The following RANBP3 variants were observed in gnomAD, a reference collection of about 807,000 sequenced individuals.
RANBP3 encodes the protein RAN binding protein 3, also known as ran-binding protein 3.
A neutral mutation model predicts 77.3 loss-of-function variants in RANBP3; 14 were observed. The ratio of observed to expected loss-of-function variants is 0.18; its 90% confidence interval spans 0.12 to 0.28. The LOEUF (loss-of-function observed/expected upper bound fraction) is 0.28, where lower values mean the gene tolerates loss of function less well. Among genes scored for constraint, RANBP3 ranks in the 10% least tolerant of loss-of-function variants. The pLI, the probability that RANBP3 is intolerant of heterozygous loss-of-function variation, is 1.00. For missense variants in RANBP3, 586 were observed against 752.3 expected (o/e 0.78, Z 2.59); for synonymous variants, 315 against 312.4 (o/e 1.01, Z -0.09).
chr19:5,925,472 C>A, intron 10 of RANBP3, 162 bp downstream of exon 10: 1 of 649,958 alleles, frequency 1.5e-6, no homozygotes, highest in South Asian at 1.8e-5. Flanking sequence ...CCTGGCCCAC[C>A]CAAGGTTGTG....
intron 1 of RANBP3, among the ~76,000 whole-genome samples, chr19:5,974,758 G>A (rs997617059): frequency 6.6e-6 from 1 of 152,144 alleles, no homozygotes; most frequent in African/African-American, 2.4e-5. Flanking sequence ...CACCTGTGCT[G>A]CCACCTGTAC....
chr19:5,961,888 T>C (rs1349278889), intron 1 of RANBP3, among the ~76,000 whole-genome samples: 11 of 151,824 alleles, frequency 7.2e-5, no homozygotes, highest in Non-Finnish European at 1.3e-4. Context: ...CGTCCCACAC[T>C]TAGGGTGCAC....
intron 1 of RANBP3, among the ~76,000 whole-genome samples, chr19:5,965,203 G>A (rs1467233595): frequency 1.3e-5 from 2 of 152,094 alleles, no homozygotes; most frequent in Non-Finnish European, 2.9e-5. Flanking sequence ...CAGGTGGCTT[G>A]GGGGTGTGTG....
chr19:5,930,479 G>A (rs756983940), intron 8 of RANBP3, among the ~76,000 whole-genome samples: 6 of 152,206 alleles, frequency 3.9e-5, no homozygotes, highest in Non-Finnish European at 8.8e-5. Flanking sequence ...AACTTCAAAG[G>A]AGGCTCTTCA....
rs951394416 is a variant in RANBP3 at position 5,916,654 on chromosome 19, G to A, written c.*956C>T. ...GAAGCCCCTGGCCCTGGACTGTCCTGGGGGCAGGGACACCTGTGGCTGGGG... is the reference window on the plus strand; with the variant it reads ...GAAGCCCCTGGCCCTGGACTGTCCTAGGGGCAGGGACACCTGTGGCTGGGG... On this transcript the variant is annotated 3_prime_UTR_variant, in exon 17 of 17. Coordinates refer to ENST00000340578, the MANE Select transcript of RANBP3 (RefSeq NM_007322.3). 2 of 152,548 alleles carry A rather than the reference G, an allele frequency of 1.3e-5. No homozygotes were observed. Among genetic ancestry groups the A allele is most frequent in the Admixed American group, 1.3e-4 (2 of 15,284 alleles). The allele number at this position is 152,548 out of a possible 1,614,324, so 9.4% of individuals were successfully genotyped here. A position where few individuals can be genotyped will look rare whatever the true frequency, so the allele number is the denominator to read the frequency against.
intron 3 of RANBP3, 29 bp downstream of exon 3, chr19:5,951,364 G>A (rs1568468934): frequency 6.5e-7 from 1 of 1,541,816 alleles, no homozygotes; most frequent in South Asian, 1.2e-5. Flanking sequence ...CCCCTGGGCG[G>A]TAGGAGTGCC....
At chr19:5,939,750 A>G (rs1188141948) in intron 5 of RANBP3, among the ~76,000 whole-genome samples, 2 of 54,572 alleles carry the variant, frequency 3.7e-5, no homozygotes, top group South Asian at 8.5e-4. Context: ...TCCCGAGAAC[A>G]GCAAACCCCA....
chr19:5,947,699 C>T (rs765015808), intron 3 of RANBP3, among the ~76,000 whole-genome samples: 19 of 152,168 alleles, frequency 1.2e-4, no homozygotes, highest in Admixed American at 5.2e-4. Context: ...GCAGGCTGGT[C>T]GGGAGCGAGC....
intron 2 of RANBP3, among the ~76,000 whole-genome samples, chr19:5,955,137 T>C (rs2058320783): frequency 6.6e-6 from 1 of 152,228 alleles, no homozygotes; most frequent in African/African-American, 2.4e-5. Context: ...AATTTTTATT[T>C]TTAATTTTTT....
At chr19:5,948,227 G>A (rs1351018999) in intron 3 of RANBP3, among the ~76,000 whole-genome samples, 5 of 152,168 alleles carry the variant, frequency 3.3e-5, no homozygotes, top group Non-Finnish European at 5.9e-5. Context: ...GAGGTCGGCG[G>A]ATCACAAGGT....
chr19:5,977,963 T>C, intron 1 of RANBP3, 98 bp downstream of exon 1: 1 of 1,506,712 alleles, frequency 6.6e-7, no homozygotes, highest in South Asian at 1.2e-5. Context: ...GACGAAACCC[T>C]TGCACTCTGC....
intron 5 of RANBP3, 117 bp downstream of exon 5, chr19:5,941,504 T>C: frequency 2.2e-6 from 2 of 905,762 alleles, no homozygotes; most frequent in Non-Finnish European, 3.5e-6. Context: ...GAGCCTCAGA[T>C]CGACTCTAAC....
chr19:5,942,966 G>A (rs2058158471), intron 3 of RANBP3, among the ~76,000 whole-genome samples: 1 of 152,110 alleles, frequency 6.6e-6, no homozygotes, highest in African/African-American at 2.4e-5. Context: ...GTCTGAGGCT[G>A]CAGTGAGCTA....
intron 8 of RANBP3, among the ~76,000 whole-genome samples, chr19:5,931,174 ACT>A (rs1039851436): frequency 2.0e-5 from 3 of 151,932 alleles, no homozygotes; most frequent in African/African-American, 7.3e-5. Context: ...CTTGGGAGAC[ACT>A]CTTCTTCTGC....
At chr19:5,945,393 T>C (rs571728023) in intron 3 of RANBP3, among the ~76,000 whole-genome samples, 2 of 152,338 alleles carry the variant, frequency 1.3e-5, no homozygotes, top group Admixed American at 6.5e-5. Flanking sequence ...TCCAATTTTA[T>C]CTCCTTGTGG....
chr19:5,917,960 A>C lies in RANBP3; in HGVS notation c.1494T>G (p.Gly498=), dbSNP rs1204044423. Residue 498 remains glycine, a synonymous_variant, in exon 16 of 17, where the codon GGT becomes GGG. Transcript: ENST00000340578. ...GGTGGTGCAGGGCTGCATACAACTG[A>C]CCTGTGTCCTTGGAGCTGGCCTGGG... is the stretch of plus-strand genomic sequence containing the variant. ...FLISASSKDT[G]QLYAALHHRI... 3 of 1,599,468 alleles carry C rather than the reference A, an allele frequency of 1.9e-6. No homozygotes were observed. The Admixed American group carries it at 5.1e-5, about 27-fold the overall frequency.
chr19:5,929,294 A>G lies in RANBP3; in HGVS notation c.694-1207T>C, dbSNP rs550615104. On this transcript the variant is annotated intron_variant, in intron 8 of 16. Coordinates refer to ENST00000340578, the MANE Select transcript of RANBP3 (RefSeq NM_007322.3). The stretch of plus-strand genomic sequence containing the variant: ...CACACAACGTGTTTGGCGACCTGGA[A>G]GTCCTCAGAGGATGGGCTAATCCCC... Among the ~76,000 whole-genome samples, 16 of 152,332 alleles carry G rather than the reference A, an allele frequency of 1.1e-4. 1 individual carries two copies. The Middle Eastern group carries it at 0.017, about 162-fold the overall frequency.
At position 5,939,912 on chromosome 19, in the gene RANBP3, T is replaced by C. The variant is rs145994452; in HGVS notation, c.406+1709A>G. 6.2e-4 allele frequency among the ~76,000 whole-genome samples: 94 copies of C among 152,340 alleles called. 1 individual carries two copies. Among genetic ancestry groups the C allele is most frequent in the African/African-American group, 2.2e-3 (90 of 41,584 alleles). ...GAGATATCAGATGCTCCAGGCCACA[T>C]TGGAGGCCCTGACTCCTCCTCACCT... On this transcript the variant is annotated intron_variant, in intron 5 of 16. Transcript: ENST00000340578.
At chr19:5,922,669 G>C (rs953689123) in intron 13 of RANBP3, among the ~76,000 whole-genome samples, 51 of 152,248 alleles carry the variant, frequency 3.3e-4, no homozygotes, top group Admixed American at 4.6e-4. Context: ...GCTGGGCGTG[G>C]TGGCTCACGC....
Sources: allele counts gnomAD v4.1 joint callset (sites outside exome capture counted in the v4.1 genomes callset), GRCh38; gene constraint gnomAD v4.1.1; transcripts MANE v1.5; gene names NCBI Gene and HGNC (gene_info 2026-07-23, HGNC 2026-07-21).